TUBGCP3: variants seen among roughly 807,000 people sequenced by gnomAD.
TUBGCP3 encodes gamma-tubulin complex component 3.
TUBGCP3 carries 50 observed loss-of-function variants against 123.1 expected under a neutral mutation model. The observed-to-expected ratio is 0.41, with a 90% confidence interval of 0.32 to 0.51. The LOEUF (loss-of-function observed/expected upper bound fraction) is 0.51, where lower values mean the gene tolerates loss of function less well. Ranked by LOEUF, TUBGCP3 falls within the 20% of genes least tolerant of loss-of-function variation. TUBGCP3 has a pLI of 0.36. For missense variants in TUBGCP3, 882 were observed against 1,127.0 expected (o/e 0.78, Z 3.11); for synonymous variants, 405 against 413.9 (o/e 0.98, Z 0.26).
intron 20 of TUBGCP3, among the ~76,000 whole-genome samples, chr13:112,497,700 C>T (rs1218139482): frequency 6.6e-6 from 1 of 152,252 alleles, no homozygotes; most frequent in Non-Finnish European, 1.5e-5. Flanking sequence ...CTATATGGCA[C>T]AGCCTATGCT....
intron 11 of TUBGCP3, among the ~76,000 whole-genome samples, chr13:112,537,688 T>C (rs185000613): frequency 2.6e-5 from 4 of 152,288 alleles, no homozygotes; most frequent in African/African-American, 7.2e-5. Context: ...CTGAGAAGGG[T>C]TGCTGTTAAT....
At position 112,554,162 on chromosome 13, in the gene TUBGCP3, CA is replaced by C; in HGVS notation, c.860del (p.Leu287Ter). 6.2e-7 allele frequency: 1 copy of C among 1,614,076 alleles called. No individual in the cohort carries two copies. Among genetic ancestry groups the C allele is most frequent in the Non-Finnish European group, 8.5e-7 (1 of 1,180,004 alleles). ...CAGAAAGCCTGACTGCTGTGTCTCT[CA>C]AAGACCTACTTAGATTTGCCTAAAA... ...VEGKANLSRS[L>X]RDTAVRLSEL... On this transcript the variant is annotated frameshift_variant, in exon 8 of 22. Transcript: ENST00000261965. LOFTEE classifies it high-confidence loss of function.
At chr13:112,535,412 C>T (rs1206565441) in intron 11 of TUBGCP3, among the ~76,000 whole-genome samples, 1 of 152,212 alleles carries the variant, frequency 6.6e-6, no homozygotes, top group African/African-American at 2.4e-5. Context: ...TAACCAGCAA[C>T]GATGCAGTTC....
At chr13:112,504,377 A>C (rs1881139281) in intron 18 of TUBGCP3, among the ~76,000 whole-genome samples, 1 of 151,808 alleles carries the variant, frequency 6.6e-6, no homozygotes, top group Non-Finnish European at 1.5e-5. Context: ...AATCCCAGCT[A>C]CTCAGGAGTC....
At chr13:112,536,220 C>A (rs879688327) in intron 11 of TUBGCP3, among the ~76,000 whole-genome samples, 1 of 152,200 alleles carries the variant, frequency 6.6e-6, no homozygotes, top group Non-Finnish European at 1.5e-5. Context: ...ATTGTTTGGC[C>A]TCAGGGCCCC....
intron 3 of TUBGCP3, among the ~76,000 whole-genome samples, chr13:112,561,929 C>A (rs1165230171): frequency 6.6e-6 from 1 of 152,172 alleles, no homozygotes; most frequent in Non-Finnish European, 1.5e-5. Flanking sequence ...CATTTTTTAA[C>A]TATAAAAAGA....
chr13:112,524,969 C>T lies in TUBGCP3; in HGVS notation c.1555+1973G>A, dbSNP rs7330746. Among the ~76,000 whole-genome samples the T allele has an allele frequency of 0.014, 2,147 of 152,236 alleles. 51 individuals are homozygous for T. The highest frequency in any genetic ancestry group is 0.048 in the African/African-American group (1,985 of 41,544). ...CTGCTGCCCTTCCGACTTGGCCTCA[C>T]GAGCTCAGAGTTCTAGTGCCATCAC... On this transcript the variant is annotated intron_variant, in intron 13 of 21. Coordinates refer to ENST00000261965, the MANE Select transcript of TUBGCP3 (RefSeq NM_006322.6). This position sits in a 1 kb window ranked among gnomAD's most constrained non-coding sequence, Gnocchi z 4.4.
chr13:112,600,701 G>C, the TUBGCP3 span, among the ~76,000 whole-genome samples: 1 of 152,038 alleles, frequency 6.6e-6, no homozygotes, highest in Non-Finnish European at 1.5e-5. Flanking sequence ...AATATCGCTA[G>C]GATCGAAGGA....
chr13:112,528,710 T>G (rs1218835401), intron 11 of TUBGCP3, among the ~76,000 whole-genome samples: 1 of 152,240 alleles, frequency 6.6e-6, no homozygotes, highest in Non-Finnish European at 1.5e-5. Context: ...TCTATTTTTT[T>G]GTTATATGTA....
chr13:112,591,336 G>C (rs1350495177), upstream of TUBGCP3, among the ~76,000 whole-genome samples: 2 of 152,212 alleles, frequency 1.3e-5, no homozygotes, highest in South Asian at 4.1e-4. Flanking sequence ...CATGTGAGGC[G>C]ATCAGCCTTC....
chr13:112,505,731 C>T (rs1401796229), intron 17 of TUBGCP3, among the ~76,000 whole-genome samples: 1 of 152,214 alleles, frequency 6.6e-6, no homozygotes, highest in Admixed American at 6.5e-5. Flanking sequence ...AATTCTTAAA[C>T]AGACGATCAA....
At chr13:112,557,792 T>C (rs533911103) in intron 5 of TUBGCP3, among the ~76,000 whole-genome samples, 1 of 152,364 alleles carries the variant, frequency 6.6e-6, no homozygotes, top group African/African-American at 2.4e-5. Context: ...AACCTTATTT[T>C]ATTTTACTTA....
intron 20 of TUBGCP3, among the ~76,000 whole-genome samples, chr13:112,496,252 G>A (rs1178142176): frequency 1.3e-5 from 2 of 152,204 alleles, no homozygotes; most frequent in Admixed American, 6.5e-5. Context: ...TTTATAGCGT[G>A]TGAGAAGAAA....
chr13:112,512,809 ATTCTC>A (rs1881762099), intron 17 of TUBGCP3, among the ~76,000 whole-genome samples: 1 of 152,202 alleles, frequency 6.6e-6, no homozygotes. Context: ...GAGAATTAAC[ATTCTC>A]TTAAGAGCCC....
chr13:112,529,106 G>A (rs1218669855), intron 11 of TUBGCP3, among the ~76,000 whole-genome samples: 1 of 152,196 alleles, frequency 6.6e-6, no homozygotes, highest in Admixed American at 6.5e-5. Context: ...GCCTGCCTCA[G>A]CCTCCCAAAG....
intron 11 of TUBGCP3, among the ~76,000 whole-genome samples, chr13:112,531,247 C>G (rs1363089596): frequency 6.6e-6 from 1 of 152,220 alleles, no homozygotes; most frequent in African/African-American, 2.4e-5. Flanking sequence ...AGGGAAGAGG[C>G]TGCTACGTTT....
chr13:112,542,943 T>A (rs918274232), intron 11 of TUBGCP3, among the ~76,000 whole-genome samples: 4 of 150,698 alleles, frequency 2.7e-5, no homozygotes, highest in African/African-American at 4.9e-5. Flanking sequence ...AGCTCAGGAG[T>A]TCAAGACCAG....
chr13:112,558,292 G>A lies in TUBGCP3; in HGVS notation c.452C>T (p.Ala151Val). 6.2e-7 allele frequency: 1 copy of A among 1,613,568 alleles called. No homozygotes were observed. Among genetic ancestry groups the A allele is most frequent in the Non-Finnish European group, 8.5e-7 (1 of 1,180,040 alleles). The change falls in exon 5 of 22, where the codon GCC becomes GTC. Residue 151 changes from alanine to valine, a missense_variant. This residue lies in a region of TUBGCP3 where 713 missense variants were observed against 874.0 expected (regional missense o/e 0.82). Coordinates refer to ENST00000261965, the MANE Select transcript of TUBGCP3 (RefSeq NM_006322.6). Reference sequence around the variant, plus strand: ...GCTGCCCACGCTGCCGGAGCTCTGGGCTGACTGGGCACTCCGATCTTGGTA... The same window carrying A: ...GCTGCCCACGCTGCCGGAGCTCTGGACTGACTGGGCACTCCGATCTTGGTA... ...LSYQDRSAQS[A>V]QSSGSVGSSG...
chr13:112,503,972 A>C, intron 19 of TUBGCP3, 60 bp downstream of exon 19: 25 of 1,547,380 alleles, frequency 1.6e-5, no homozygotes, highest in Non-Finnish European at 2.0e-5. Flanking sequence ...ATTTGACAGG[A>C]ACCCAAGAAA....
Sources: gnomAD v4.1 joint callset for allele counts (sites outside exome capture counted in the v4.1 genomes callset) on GRCh38, gnomAD v4.1.1 for gene constraint, gnomAD v4.1.1 regional missense constraint, Gnocchi (gnomAD v3.1) non-coding constraint, MANE v1.5 for transcripts, NCBI Gene and HGNC (gene_info 2026-07-23, HGNC 2026-07-21) for gene names.